MAK: variants seen among roughly 807,000 people sequenced by gnomAD.
MAK encodes the protein serine/threonine-protein kinase MAK.
MAK carries 65 observed loss-of-function variants against 82.6 expected under a neutral mutation model. That is an observed-to-expected ratio of 0.79 (90% confidence interval 0.64 to 0.97). MAK has a LOEUF of 0.97. Ranked by LOEUF, MAK falls within the 50% of genes least tolerant of loss-of-function variation. The pLI, the probability that MAK is intolerant of heterozygous loss-of-function variation, is 0.00. For missense variants in MAK, 703 were observed against 780.2 expected, an observed-to-expected ratio of 0.90 and a Z score of 1.18; for synonymous variants, 250 against 274.2, an observed-to-expected ratio of 0.91 and a Z score of 0.87.
intron 4 of MAK, among the ~76,000 whole-genome samples, chr6:10,814,247 G>T (rs1448052009): frequency 6.6e-6 from 1 of 152,106 alleles, no homozygotes; most frequent in Non-Finnish European, 1.5e-5. Context: ...GGGATTACGG[G>T]CATGAGCCAC....
At chr6:10,775,598 T>C (rs1431881628) in intron 11 of MAK, 139 bp from the exon 12 acceptor site, 1 of 958,456 alleles carries the variant, frequency 1.0e-6, no homozygotes, top group African/African-American at 1.6e-5. Context: ...ATGTAGCAGA[T>C]ACTTGCTTTC....
chr6:10,810,113 A>G lies in MAK; in HGVS notation c.359-1171T>C, dbSNP rs1200075979. Among the ~76,000 whole-genome samples the G allele has an allele frequency of 6.8e-4, 93 of 136,026 alleles. 1 individual carries two copies. Among genetic ancestry groups the G allele is most frequent in the African/African-American group, 1.9e-3 (68 of 35,720 alleles). 89.2% of individuals were successfully genotyped at this position (136,026 alleles called of 152,430 possible). ...ACACTGTCTCAAAAAAAAAAAAAAAAAAGAAAGAAAAGAAAAAGAAAACCC... is the reference window on the plus strand; with the variant it reads ...ACACTGTCTCAAAAAAAAAAAAAAAGAAGAAAGAAAAGAAAAAGAAAACCC... On this transcript the variant is annotated intron_variant, in intron 5 of 14. Transcript: ENST00000354489.
At chr6:10,766,065 A>G (rs1321410653) in intron 14 of MAK, among the ~76,000 whole-genome samples, 2 of 152,216 alleles carry the variant, frequency 1.3e-5, no homozygotes, top group Admixed American at 1.3e-4. Flanking sequence ...ATTGAGAGCT[A>G]AGGTATCACA....
chr6:10,805,159 C>T (rs567291962), intron 6 of MAK, among the ~76,000 whole-genome samples: 4 of 152,264 alleles, frequency 2.6e-5, no homozygotes, highest in South Asian at 2.1e-4. Context: ...TTCCAGGACA[C>T]GCTGTTGCCA....
At chr6:10,780,863 C>G (rs1211815693) in intron 11 of MAK, among the ~76,000 whole-genome samples, 3 of 152,302 alleles carry the variant, frequency 2.0e-5, no homozygotes, top group Admixed American at 6.5e-5. Context: ...TTAAAACTCT[C>G]TCAGAATTTC....
At chr6:10,810,916 T>C (rs1776880332) in intron 5 of MAK, among the ~76,000 whole-genome samples, 1 of 152,230 alleles carries the variant, frequency 6.6e-6, no homozygotes, top group Non-Finnish European at 1.5e-5. Flanking sequence ...AGCTGAGGTT[T>C]TCCCCATCCT....
intron 13 of MAK, among the ~76,000 whole-genome samples, chr6:10,771,651 C>T (rs1174360546): frequency 3.9e-5 from 6 of 152,228 alleles, no homozygotes; most frequent in East Asian, 1.9e-4. Flanking sequence ...TTGTCTCTCA[C>T]GGCATATCAG....
chr6:10,834,931 A>G (rs554174870), intron 1 of MAK, among the ~76,000 whole-genome samples: 115 of 152,220 alleles, frequency 7.6e-4, no homozygotes, highest in Non-Finnish European at 1.3e-3. Flanking sequence ...CAGCACACAG[A>G]CCCCAGGAGG....
chr6:10,780,816 T>C (rs772967150), intron 11 of MAK, among the ~76,000 whole-genome samples: 4 of 152,226 alleles, frequency 2.6e-5, no homozygotes, highest in African/African-American at 4.8e-5. Context: ...AACCTATGTT[T>C]TGAAAACTTT....
In MAK at chr6:10,796,298, G is replaced by T. The variant is rs55950618; in HGVS notation, c.843C>A (p.His281Gln). 1.2e-6 allele frequency: 2 copies of T among 1,612,414 alleles called. No homozygotes were observed. Among genetic ancestry groups the T allele is most frequent in the African/African-American group, 2.7e-5 (2 of 74,878 alleles). Residue 281 changes from histidine to glutamine, a missense_variant, in exon 9 of 15, where the codon CAC becomes CAA. His to Gln is a conservative substitution (Grantham distance 24). Transcript: ENST00000354489. ...ATACCTGACCAACTTGAAAATATGG[G>T]TGTTTCAATGCCTATAAAAACACAG... ...KRPTASQALK[H>Q]PYFQVGQVLG...
intron 6 of MAK, among the ~76,000 whole-genome samples, chr6:10,807,278 C>T (rs1009434048): frequency 6.6e-6 from 1 of 151,588 alleles, no homozygotes; most frequent in African/African-American, 2.4e-5. Flanking sequence ...CTCCCTGCCC[C>T]CTTTCCTATT....
intron 9 of MAK, among the ~76,000 whole-genome samples, 177 bp downstream of exon 9, chr6:10,795,821 T>A (rs1380872665): frequency 6.6e-6 from 1 of 152,232 alleles, no homozygotes; most frequent in East Asian, 1.9e-4. Flanking sequence ...TTTTTCTTTT[T>A]ATAAACCATA....
In MAK at chr6:10,763,042, G is replaced by A. The variant is rs1034375030; in HGVS notation, c.*1410C>T. On this transcript the variant is annotated 3_prime_UTR_variant, in exon 15 of 15. Transcript: ENST00000354489. ...TGGTAACATTATTATTCTTTAAAAAGAATTTACAGTACTAAGGTCCAGTCC... is the reference window on the plus strand; with the variant it reads ...TGGTAACATTATTATTCTTTAAAAAAAATTTACAGTACTAAGGTCCAGTCC... 1.3e-5 allele frequency: 2 copies of A among 152,524 alleles called. No homozygotes were observed. Among genetic ancestry groups the A allele is most frequent in the Admixed American group, 6.6e-5 (1 of 15,260 alleles). The allele number at this position is 152,524 out of a possible 1,614,324, so 9.4% of individuals were successfully genotyped here.
At position 10,796,027 on chromosome 6, in the gene MAK, A is replaced by G; in HGVS notation, c.1114T>C (p.Phe372Leu). 6.2e-7 allele frequency: 1 copy of G among 1,614,008 alleles called. No individual in the cohort carries two copies. Among genetic ancestry groups the G allele is most frequent in the Non-Finnish European group, 8.5e-7 (1 of 1,179,874 alleles). ...QSQEKPPQTL[F>L]PSIVKNMPTK... ...GGCATGTTTTTGACGATGCTCGGGA[A>G]TAGCGTTTGTGGCGGTTTCTCCTGA... is the stretch of plus-strand genomic sequence containing the variant. The change falls in exon 9 of 15, where the codon TTC becomes CTC. Residue 372 changes from phenylalanine to leucine, a missense_variant. Coordinates refer to ENST00000354489, the MANE Select transcript of MAK (RefSeq NM_001242957.3).
chr6:10,830,621 A>C lies in MAK; in HGVS notation c.28T>G (p.Leu10Val). 2 of 1,614,050 alleles carry C rather than the reference A, an allele frequency of 1.2e-6. No individual in the cohort carries two copies. The highest frequency in any genetic ancestry group is 1.7e-6 in the Non-Finnish European group (2 of 1,179,942). The change falls in exon 2 of 15, where the codon TTG becomes GTG. Residue 10 changes from leucine to valine, a missense_variant. Coordinates refer to ENST00000354489, the MANE Select transcript of MAK (RefSeq NM_001242957.3). MNRYTTMRQ[L>V]GDGTYGSVLM... Reference sequence around the variant, plus strand: ...ACACTCCCATACGTGCCGTCCCCCAACTGTCTCATGGTTGTGTATCGGTTC... The same window carrying C: ...ACACTCCCATACGTGCCGTCCCCCACCTGTCTCATGGTTGTGTATCGGTTC...
intron 8 of MAK, 48 bp from the exon 9 acceptor site, chr6:10,796,357 A>G (rs1321081830): frequency 4.1e-6 from 6 of 1,454,636 alleles, no homozygotes; most frequent in Non-Finnish European, 5.7e-6. Flanking sequence ...TTCCACCTAA[A>G]TGTATTGCAC....
chr6:10,806,750 C>T (rs866605363), intron 6 of MAK, among the ~76,000 whole-genome samples: 10 of 152,050 alleles, frequency 6.6e-5, no homozygotes, highest in Admixed American at 1.3e-4. Context: ...GTCCTGGCCT[C>T]CCACAGTGCT....
intron 11 of MAK, 76 bp from the exon 12 acceptor site, chr6:10,775,535 A>G: frequency 1.3e-6 from 2 of 1,486,398 alleles, no homozygotes; most frequent in East Asian, 2.3e-5. Flanking sequence ...AATACATTCA[A>G]ACAAAGACTA....
chr6:10,813,124 ATATATATATAAATTTTTTTTTT>A (rs1777148530), intron 5 of MAK, among the ~76,000 whole-genome samples: 1 of 816 alleles, frequency 1.2e-3, no homozygotes, highest in Non-Finnish European at 2.3e-3. Context: ...ATATATATAT[ATATATATATAAATTTTTTTTTT>A]TTTTTTTTTT....
Sources: gnomAD v4.1 joint callset for allele counts (sites outside exome capture counted in the v4.1 genomes callset) on GRCh38, gnomAD v4.1.1 for gene constraint, MANE v1.5 for transcripts, NCBI Gene and HGNC (gene_info 2026-07-23, HGNC 2026-07-21) for gene names.